Variants in LUC7L2 observed in about 807,000 individuals in gnomAD.
LUC7L2 encodes putative RNA-binding protein Luc7-like 2.
Under a neutral mutation model 52.8 loss-of-function variants are expected in LUC7L2, and 25 were observed. The ratio of observed to expected loss-of-function variants is 0.47; its 90% confidence interval spans 0.34 to 0.66. The LOEUF (loss-of-function observed/expected upper bound fraction) is 0.66, where lower values mean the gene tolerates loss of function less well. LUC7L2 is among the 30% of genes least tolerant of loss of function. The pLI is 0.01. For missense variants in LUC7L2, 328 were observed against 497.8 expected (o/e 0.66, Z 3.25); for synonymous variants, 144 against 160.9 (o/e 0.89, Z 0.80).
intron 1 of LUC7L2, among the ~76,000 whole-genome samples, chr7:139,364,909 TTC>T (rs1197428776): frequency 2.0e-5 from 3 of 152,256 alleles, no homozygotes; most frequent in African/African-American, 7.2e-5. Flanking sequence ...TTGTGAGCCA[TTC>T]TTTTATTCCA....
Position 139,404,236 on chromosome 7 carries a change from G to A in LUC7L2, c.367-1408G>A, listed in dbSNP as rs945002005. 5.9e-5 allele frequency among the ~76,000 whole-genome samples: 9 copies of A among 152,314 alleles called. No homozygotes were observed. The East Asian group carries it at 1.2e-3, about 20-fold the overall frequency. On this transcript the variant is annotated intron_variant, in intron 4 of 9. Transcript: ENST00000354926. ...ACCAAACTAAAACCTTCGGCCGGGC[G>A]TGGTGGCTCACACCTGTAATCCCAG...
At chr7:139,360,409 G>A in intron 1 of LUC7L2, 87 bp downstream of exon 1, 2 of 1,269,448 alleles carry the variant, frequency 1.6e-6, no homozygotes, top group Non-Finnish European at 2.2e-6. Flanking sequence ...GGGCGCGCGC[G>A]TGTGGCTGAG....
At chr7:139,361,839 A>G (rs1314983515) in intron 1 of LUC7L2, among the ~76,000 whole-genome samples, 1 of 152,196 alleles carries the variant, frequency 6.6e-6, no homozygotes, top group Non-Finnish European at 1.5e-5. Context: ...GTGTAATAAA[A>G]TTAAGTTATT....
chr7:139,389,456 C>T (rs1188615098), intron 2 of LUC7L2, among the ~76,000 whole-genome samples: 1 of 151,900 alleles, frequency 6.6e-6, no homozygotes. Context: ...CTTTATTTTC[C>T]CGATAGGAAA....
intron 1 of LUC7L2, among the ~76,000 whole-genome samples, chr7:139,341,882 G>A (rs1386607381): frequency 2.6e-5 from 4 of 152,244 alleles, no homozygotes; most frequent in South Asian, 4.2e-4. Context: ...GGAGTTGAAG[G>A]GTGTACTGTT....
chr7:139,348,712 C>T (rs954193765), intron 1 of LUC7L2, among the ~76,000 whole-genome samples: 4 of 149,808 alleles, frequency 2.7e-5, no homozygotes, highest in East Asian at 2.0e-4. Context: ...AGCGAGACTC[C>T]GTCTCAAAAA....
chr7:139,385,311 C>CTTTTTTTT (rs58744665), intron 2 of LUC7L2, among the ~76,000 whole-genome samples: 2 of 118,560 alleles, frequency 1.7e-5, no homozygotes, highest in East Asian at 2.7e-4. Context: ...GTTAGGATTA[C>CTTTTTTTT]TTTTTTTTTT....
intron 1 of LUC7L2, among the ~76,000 whole-genome samples, chr7:139,350,549 G>C (rs923999331): frequency 6.6e-6 from 1 of 151,834 alleles, no homozygotes; most frequent in Admixed American, 6.6e-5. Flanking sequence ...GCAACCCAGA[G>C]GTACAGATGA....
chr7:139,398,485 A>T, intron 2 of LUC7L2, 114 bp from the exon 3 acceptor site: 1 of 734,266 alleles, frequency 1.4e-6, no homozygotes, highest in Non-Finnish European at 2.0e-6. Context: ...GGAAGCCCCT[A>T]CATAAAAAAG....
intron 2 of LUC7L2, among the ~76,000 whole-genome samples, chr7:139,395,922 A>C (rs1489367816): frequency 6.6e-6 from 1 of 152,188 alleles, no homozygotes; most frequent in East Asian, 1.9e-4. Flanking sequence ...TGCTGGGATT[A>C]TAGGCATTAG....
chr7:139,350,442 ATGT>A (rs1323373694), intron 1 of LUC7L2, among the ~76,000 whole-genome samples: 3 of 151,534 alleles, frequency 2.0e-5, no homozygotes, highest in African/African-American at 4.8e-5. Flanking sequence ...TTAGTAATCC[ATGT>A]TGTTGTTATG....
At chr7:139,370,015 A>G (rs1800360951) in intron 1 of LUC7L2, among the ~76,000 whole-genome samples, 2 of 152,216 alleles carry the variant, frequency 1.3e-5, no homozygotes, top group South Asian at 2.1e-4. Context: ...TCCCGTTGCC[A>G]TCTTTGGCAT....
chr7:139,403,096 G>A (rs920164879), intron 4 of LUC7L2, among the ~76,000 whole-genome samples: 1 of 152,142 alleles, frequency 6.6e-6, no homozygotes, highest in Non-Finnish European at 1.5e-5. Context: ...TTCAAGTTGT[G>A]TGTATCAGTT....
chr7:139,362,635 T>G (rs1163368445), intron 1 of LUC7L2, among the ~76,000 whole-genome samples: 1 of 122,748 alleles, frequency 8.1e-6, no homozygotes, highest in Non-Finnish European at 1.6e-5. Context: ...TTTTTTTTTT[T>G]TTTTTAATTC....
rs71169090 is a variant in LUC7L2, at chr7:139,399,449, A to ATTTTTTTTTTTT, written c.255+779_255+790dup. 5.0e-4 allele frequency among the ~76,000 whole-genome samples: 25 copies of ATTTTTTTTTTTT among 50,456 alleles called. 5 individuals carry two copies. Among genetic ancestry groups the ATTTTTTTTTTTT allele is most frequent in the East Asian group, 1.6e-3 (2 of 1,260 alleles). 33.1% of individuals were successfully genotyped at this position (50,456 alleles called of 152,430 possible). A position where few individuals can be genotyped will look rare whatever the true frequency, so the allele number is the denominator to read the frequency against. ...GGACATGCATATGGGTGTTTGGGGG[A>ATTTTTTTTTTTT]TTTTTTTTTTTTTTTTTTTTTTTTT... On this transcript the variant is annotated intron_variant, in intron 3 of 9. Transcript: ENST00000354926.
At chr7:139,377,740 G>A (rs1030897219) in intron 2 of LUC7L2, among the ~76,000 whole-genome samples, 1 of 151,768 alleles carries the variant, frequency 6.6e-6, no homozygotes, top group Admixed American at 6.6e-5. Context: ...TGTCGGTCAG[G>A]CTGGTCTTGA....
chr7:139,409,309 A>G (rs1569392813), intron 6 of LUC7L2, among the ~76,000 whole-genome samples: 1 of 151,738 alleles, frequency 6.6e-6, no homozygotes, highest in African/African-American at 2.4e-5. Flanking sequence ...CTTAAAAAAA[A>G]AAACAAAAAA....
At chr7:139,418,820 G>C (rs1795746122) in intron 9 of LUC7L2, among the ~76,000 whole-genome samples, 2 of 152,136 alleles carry the variant, frequency 1.3e-5, no homozygotes, top group Non-Finnish European at 2.9e-5. Flanking sequence ...GTTGCTCTAA[G>C]AAGTTTCCTA....
At chr7:139,419,711 C>A (rs970262679) in intron 9 of LUC7L2, among the ~76,000 whole-genome samples, 1 of 152,048 alleles carries the variant, frequency 6.6e-6, no homozygotes, top group Admixed American at 6.6e-5. Context: ...ATGCTTCCTG[C>A]GTTGATGAAG....
Sources: allele counts gnomAD v4.1 joint callset (sites outside exome capture counted in the v4.1 genomes callset), GRCh38; gene constraint gnomAD v4.1.1; transcripts MANE v1.5; gene names NCBI Gene and HGNC (gene_info 2026-07-23, HGNC 2026-07-21).